The following LRP1B variants were observed in gnomAD, a reference collection of about 807,000 sequenced individuals.
LRP1B encodes the protein LDL receptor related protein 1B.
A neutral mutation model predicts 556.6 loss-of-function variants in LRP1B; 217 were observed. That is an observed-to-expected ratio of 0.39 (90% CI 0.35 to 0.44). The LOEUF (loss-of-function observed/expected upper bound fraction) is 0.44. LRP1B is among the 20% of genes least tolerant of loss of function. The pLI, the probability that LRP1B is intolerant of heterozygous loss-of-function variation, is 1.00. For missense variants in LRP1B, 5,053 were observed against 5,620.8 expected (o/e 0.90, Z 3.23); for synonymous variants, 2,047 against 1,865.8 (o/e 1.10, Z -2.50).
intron 1 of LRP1B, among the ~76,000 whole-genome samples, chr2:142,060,069 T>C (rs940546334): frequency 2.4e-4 from 37 of 152,096 alleles, no homozygotes; most frequent in African/African-American, 8.9e-4. Flanking sequence ...CTTGCTAGAA[T>C]AGAATTTCAG....
intron 2 of LRP1B, among the ~76,000 whole-genome samples, chr2:141,786,623 C>T (rs1695437022): frequency 6.6e-6 from 1 of 151,772 alleles, no homozygotes; most frequent in South Asian, 2.1e-4. Flanking sequence ...AACATGTCTG[C>T]CTTTGATTTC....
At chr2:140,386,034 G>A in intron 66 of LRP1B, 25 bp from the exon 67 acceptor site, 3 of 1,421,284 alleles carry the variant, frequency 2.1e-6, no homozygotes. Context: ...ACCAGAGTTT[G>A]CATTGTAGAT....
At chr2:141,580,200 T>C (rs2105278197) in intron 2 of LRP1B, among the ~76,000 whole-genome samples, 1 of 152,332 alleles carries the variant, frequency 6.6e-6, no homozygotes, top group South Asian at 2.1e-4. Context: ...AAATGAGTCT[T>C]CTATGTACAT....
Position 141,303,640 on chromosome 2 carries a change from C to A in LRP1B, c.344-48999G>T, listed in dbSNP as rs193139117. 2.0e-5 allele frequency among the ~76,000 whole-genome samples: 3 copies of A among 152,154 alleles called. No homozygotes were observed. In the East Asian group the frequency reaches 5.8e-4, roughly 29 times the overall value. On this transcript the variant is annotated intron_variant, in intron 3 of 90. Transcript: ENST00000389484. ...ATTTCATTTTTTATGGCCAAAGATA[C>A]ACCCCATTTTCTTTATCCATTCATC...
At chr2:140,590,948 T>C (rs1009595282) in intron 43 of LRP1B, among the ~76,000 whole-genome samples, 1 of 152,218 alleles carries the variant, frequency 6.6e-6, no homozygotes, top group African/African-American at 2.4e-5. Context: ...TAATTTTTAA[T>C]GGATTAATAG....
intron 3 of LRP1B, among the ~76,000 whole-genome samples, chr2:141,282,114 C>G (rs774002867): frequency 3.9e-5 from 6 of 151,962 alleles, no homozygotes; most frequent in Non-Finnish European, 5.9e-5. Context: ...AGTAACTGAA[C>G]CAATTTTGGA....
intron 3 of LRP1B, among the ~76,000 whole-genome samples, chr2:141,389,752 T>C (rs896129495): frequency 4.6e-5 from 7 of 152,284 alleles, no homozygotes; most frequent in African/African-American, 1.7e-4. Flanking sequence ...GGCTCTAGTA[T>C]ACAAAATATA....
rs114972541 is a variant in LRP1B, at chr2:140,687,412, A to G, written c.6799+12838T>C. 4.9e-3 allele frequency among the ~76,000 whole-genome samples: 749 copies of G among 152,312 alleles called. 4 individuals are homozygous for G. The highest frequency in any genetic ancestry group is 0.017 in the African/African-American group (706 of 41,588). On this transcript the variant is annotated intron_variant, in intron 41 of 90. Transcript: ENST00000389484. ...TATGGCAAGAATGACAATCTAAGCC[A>G]CATAGTATGCTATCCTAGGCGTTGC...
chr2:141,137,349 C>G (rs527770658), intron 7 of LRP1B, among the ~76,000 whole-genome samples: 2 of 151,814 alleles, frequency 1.3e-5, no homozygotes, highest in African/African-American at 4.8e-5. Flanking sequence ...AGCCAGAGAC[C>G]GGCACTTCCT....
chr2:141,692,426 T>A (rs1691571069), intron 2 of LRP1B, among the ~76,000 whole-genome samples: 1 of 152,122 alleles, frequency 6.6e-6, no homozygotes, highest in South Asian at 2.1e-4. Flanking sequence ...CTGTAACTCC[T>A]TTTGTCCTAT....
intron 1 of LRP1B, among the ~76,000 whole-genome samples, chr2:141,904,598 A>G (rs909110416): frequency 6.6e-6 from 1 of 151,846 alleles, no homozygotes; most frequent in African/African-American, 2.4e-5. Flanking sequence ...TGGGGTCCAG[A>G]CTCCACATCT....
intron 66 of LRP1B, among the ~76,000 whole-genome samples, chr2:140,432,560 T>C (rs2105285839): frequency 6.6e-6 from 1 of 152,312 alleles, no homozygotes; most frequent in African/African-American, 2.4e-5. Flanking sequence ...GTTTTGGAGA[T>C]TACAAACACC....
intron 2 of LRP1B, among the ~76,000 whole-genome samples, chr2:141,518,145 T>C (rs1384185458): frequency 6.6e-6 from 1 of 151,644 alleles, no homozygotes; most frequent in African/African-American, 2.4e-5. Context: ...GTCTTTAAAT[T>C]GCAGGCATGG....
intron 3 of LRP1B, among the ~76,000 whole-genome samples, chr2:141,395,633 G>A (rs928863670): frequency 1.3e-5 from 2 of 152,102 alleles, no homozygotes; most frequent in African/African-American, 2.4e-5. Flanking sequence ...TAATTGTGTA[G>A]TGTGGGGCAT....
intron 84 of LRP1B, among the ~76,000 whole-genome samples, chr2:140,290,414 C>A (rs533808368): frequency 7.8e-4 from 119 of 152,128 alleles, no homozygotes; most frequent in Admixed American, 1.4e-3. Flanking sequence ...ATGAAGACAA[C>A]ACTTACTTTC....
At chr2:141,039,587 T>A (rs1255655655) in intron 11 of LRP1B, among the ~76,000 whole-genome samples, 1 of 152,080 alleles carries the variant, frequency 6.6e-6, no homozygotes, top group Non-Finnish European at 1.5e-5. Flanking sequence ...ATAATAGACT[T>A]CTTTACAGAA....
At position 141,911,461 on chromosome 2, in the gene LRP1B, A is replaced by T. The variant is rs142172703; in HGVS notation, c.83-101060T>A. Among the ~76,000 whole-genome samples, 58 of 152,298 alleles carry T rather than the reference A, an allele frequency of 3.8e-4. 1 individual carries two copies. The East Asian group carries it at 0.01, about 27-fold the overall frequency. On this transcript the variant is annotated intron_variant, in intron 1 of 90. Coordinates refer to ENST00000389484, the MANE Select transcript of LRP1B (RefSeq NM_018557.3). ...GTTTATTTCTTCACAGCAGGCTATG[A>T]CCTGTTAAGCTCAAAACCCAGCCAG...
At chr2:140,585,728 T>C (rs1268111146) in intron 43 of LRP1B, among the ~76,000 whole-genome samples, 3 of 152,204 alleles carry the variant, frequency 2.0e-5, no homozygotes, top group Non-Finnish European at 4.4e-5. Flanking sequence ...TTTGGCAATG[T>C]CATATATTCA....
chr2:141,544,654 G>C (rs1461442032), intron 2 of LRP1B, among the ~76,000 whole-genome samples: 1 of 151,520 alleles, frequency 6.6e-6, no homozygotes, highest in Non-Finnish European at 1.5e-5. Context: ...GCACCACTCA[G>C]TTTTCTTATT....
Sources: gnomAD v4.1 joint callset for allele counts (sites outside exome capture counted in the v4.1 genomes callset) on GRCh38, gnomAD v4.1.1 for gene constraint, MANE v1.5 for transcripts, NCBI Gene and HGNC (gene_info 2026-07-23, HGNC 2026-07-21) for gene names.